STPG2: variants seen among roughly 807,000 people sequenced by gnomAD.
STPG2 encodes sperm tail PG-rich repeat containing 2, also known as sperm-tail PG-rich repeat-containing protein 2.
A neutral mutation model predicts 54.2 loss-of-function variants in STPG2; 56 were observed. That is an observed-to-expected ratio of 1.03 (90% CI 0.83 to 1.29). STPG2 has a LOEUF of 1.29. Ranked by LOEUF, STPG2 falls within the 50% of genes most tolerant of loss-of-function variation. The pLI, the probability that STPG2 is intolerant of heterozygous loss-of-function variation, is 0.00. For missense variants in STPG2, 596 were observed against 544.9 expected, an observed-to-expected ratio of 1.09 and a Z score of -0.93; for synonymous variants, 200 against 181.8, an observed-to-expected ratio of 1.10 and a Z score of -0.81.
chr4:98,003,396 GT>G (rs879346770), intron 5 of STPG2, among the ~76,000 whole-genome samples: 16 of 149,152 alleles, frequency 1.1e-4, no homozygotes, highest in East Asian at 3.9e-4. Flanking sequence ...TACATCATCA[GT>G]TTTTTTTTTC....
Position 97,913,304 on chromosome 4 carries a change from C to G in STPG2, c.1044+30593G>C, listed in dbSNP as rs542670836. On this transcript the variant is annotated intron_variant, in intron 8 of 10. Coordinates refer to ENST00000295268, the MANE Select transcript of STPG2 (RefSeq NM_174952.3). ...AAACCGGTATCTGCCTAATCCATCA[C>G]TTGAGCTGTATTTTCCAATACTTAC... Among the ~76,000 whole-genome samples the G allele has an allele frequency of 1.6e-4, 24 of 152,286 alleles. 1 individual carries two copies. The South Asian group carries it at 4.8e-3, about 30-fold the overall frequency.
At chr4:98,079,909 T>C (rs921204544) in intron 5 of STPG2, among the ~76,000 whole-genome samples, 3 of 152,064 alleles carry the variant, frequency 2.0e-5, no homozygotes, top group Non-Finnish European at 4.4e-5. Flanking sequence ...GAGATACCAA[T>C]CTATGAAAAA....
intron 10 of STPG2, among the ~76,000 whole-genome samples, chr4:97,625,744 TCTAA>T (rs1466194117): frequency 3.3e-5 from 5 of 152,210 alleles, no homozygotes; most frequent in African/African-American, 4.8e-5. Flanking sequence ...AGGAAGAATC[TCTAA>T]CTAAGGATTT....
chr4:97,786,326 AT>A, intron 9 of STPG2, among the ~76,000 whole-genome samples: 1 of 151,668 alleles, frequency 6.6e-6, no homozygotes, highest in Admixed American at 6.6e-5. Flanking sequence ...TACTTTCTTA[AT>A]TTTTTTCAGT....
intron 4 of STPG2, among the ~76,000 whole-genome samples, chr4:97,460,335 G>A (rs1729631884): frequency 6.6e-6 from 1 of 151,452 alleles, no homozygotes; most frequent in Non-Finnish European, 1.5e-5. Flanking sequence ...ATTTTGCTTT[G>A]GTTCTTATCT....
intron 5 of STPG2, among the ~76,000 whole-genome samples, chr4:98,028,768 G>T (rs2149298135): frequency 6.6e-6 from 1 of 151,984 alleles, no homozygotes; most frequent in South Asian, 2.1e-4. Flanking sequence ...TATTTCCTAA[G>T]TGTGAAAGCT....
intron 9 of STPG2, among the ~76,000 whole-genome samples, chr4:97,835,073 T>C (rs1393691590): frequency 1.3e-5 from 2 of 152,054 alleles, no homozygotes; most frequent in Non-Finnish European, 2.9e-5. Context: ...GCATTCCCAG[T>C]TAAGTTGCTC....
At chr4:97,715,905 G>C (rs1724270578) in intron 9 of STPG2, among the ~76,000 whole-genome samples, 1 of 152,072 alleles carries the variant, frequency 6.6e-6, no homozygotes, top group Non-Finnish European at 1.5e-5. Flanking sequence ...GAGTGAACAG[G>C]CAACCTACAG....
rs1460090343 is a variant in STPG2, at chr4:98,128,522, T to C, written c.293A>G (p.Tyr98Cys). The C allele has an allele frequency of 3.1e-6, 5 of 1,613,248 alleles. 1 individual carries two copies. The South Asian group carries it at 4.4e-5, about 14-fold the overall frequency. ...VPSIPSCGKSYGYHINDDGSI... is the reference protein window; with the variant it reads ...VPSIPSCGKSCGYHINDDGSI... ...GCCATCATCATTAATATGATAACCATATGACTTTCCACAAGAAGGAATTGA... is the reference window on the plus strand; with the variant it reads ...GCCATCATCATTAATATGATAACCACATGACTTTCCACAAGAAGGAATTGA... Residue 98 changes from tyrosine (Y) to cysteine (C), a missense_variant, in exon 3 of 11, where the codon TAT (tyrosine) becomes TGT (cysteine). Tyr to Cys is a radical substitution (Grantham distance 194). Transcript: ENST00000295268.
At chr4:97,981,869 G>C (rs890205422) in intron 5 of STPG2, among the ~76,000 whole-genome samples, 20 of 144,734 alleles carry the variant, frequency 1.4e-4, no homozygotes, top group African/African-American at 5.2e-4. Context: ...ATAAATTCAT[G>C]AGATATAGCA....
At chr4:97,607,196 C>A (rs980300033) in intron 10 of STPG2, among the ~76,000 whole-genome samples, 6 of 151,912 alleles carry the variant, frequency 3.9e-5, no homozygotes, top group Admixed American at 1.3e-4. Context: ...ATGGTAAAAT[C>A]AGCTGCTGCT....
At chr4:97,444,796 G>A (rs537139857) in intron 4 of STPG2, among the ~76,000 whole-genome samples, 152 of 152,256 alleles carry the variant, frequency 1.0e-3, no homozygotes, top group Non-Finnish European at 1.7e-3. Flanking sequence ...TTGGGAGGCC[G>A]AGGTGGGAGG....
intron 9 of STPG2, among the ~76,000 whole-genome samples, chr4:97,745,369 C>A (rs1347931192): frequency 6.6e-6 from 1 of 150,580 alleles, no homozygotes; most frequent in East Asian, 1.9e-4. Flanking sequence ...CATTTTAAAT[C>A]AATCTATAAA....
At chr4:97,778,664 T>C (rs1726477661) in intron 9 of STPG2, among the ~76,000 whole-genome samples, 1 of 152,176 alleles carries the variant, frequency 6.6e-6, no homozygotes, top group Admixed American at 6.5e-5. Context: ...CCGAGTAGCC[T>C]ATCTGGGAGG....
chr4:97,560,657 G>A (rs879593551), intron 10 of STPG2, among the ~76,000 whole-genome samples: 15 of 151,984 alleles, frequency 9.9e-5, no homozygotes, highest in Non-Finnish European at 2.2e-4. Context: ...AAAAATCAAA[G>A]TAAAACAAAA....
chr4:98,009,321 T>C (rs1313006276), intron 5 of STPG2, among the ~76,000 whole-genome samples: 1 of 151,708 alleles, frequency 6.6e-6, no homozygotes, highest in Non-Finnish European at 1.5e-5. Context: ...TATTTCCCTT[T>C]TAATTTCTTC....
At chr4:97,458,413 T>C (rs919932792) in intron 4 of STPG2, among the ~76,000 whole-genome samples, 5 of 152,192 alleles carry the variant, frequency 3.3e-5, no homozygotes, top group African/African-American at 1.2e-4. Context: ...GTTAAAGAGC[T>C]ATGCTTTCTT....
intron 5 of STPG2, among the ~76,000 whole-genome samples, chr4:98,094,093 T>G (rs1006451157): frequency 9.9e-5 from 15 of 152,124 alleles, no homozygotes; most frequent in African/African-American, 3.6e-4. Flanking sequence ...AAAGGAGAGC[T>G]TGTGCCGTGC....
At chr4:97,731,005 G>T (rs914771512) in intron 9 of STPG2, among the ~76,000 whole-genome samples, 1 of 152,112 alleles carries the variant, frequency 6.6e-6, no homozygotes, top group Non-Finnish European at 1.5e-5. Flanking sequence ...TGTCATTTCA[G>T]CCACTTCAAT....
Sources: allele counts gnomAD v4.1 joint callset (sites outside exome capture counted in the v4.1 genomes callset), GRCh38; gene constraint gnomAD v4.1.1; transcripts MANE v1.5; gene names NCBI Gene and HGNC (gene_info 2026-07-23, HGNC 2026-07-21).